ADIPOR2: variants seen among roughly 807,000 people sequenced by gnomAD.
ADIPOR2 encodes adiponectin receptor protein 2.
In ADIPOR2, 18 loss-of-function variants were observed where a neutral mutation model predicts 40.9. The observed-to-expected ratio is 0.44, with a 90% CI of 0.30 to 0.65. The LOEUF (loss-of-function observed/expected upper bound fraction) is 0.65. ADIPOR2 is among the 30% of genes least tolerant of loss of function. The pLI is 0.09. For synonymous variants in ADIPOR2, 165 were observed against 166.4 expected (o/e 0.99, Z 0.06); for missense variants, 283 against 479.2 (o/e 0.59, Z 3.82).
At chr12:1,703,654 C>T (rs1031854350) in intron 1 of ADIPOR2, among the ~76,000 whole-genome samples, 1 of 151,906 alleles carries the variant, frequency 6.6e-6, no homozygotes, top group Non-Finnish European at 1.5e-5. Context: ...GAGGTCAAGG[C>T]TGCAGTGAGC....
At chr12:1,754,806 C>T (rs1324197602) in intron 2 of ADIPOR2, among the ~76,000 whole-genome samples, 7 of 151,706 alleles carry the variant, frequency 4.6e-5, no homozygotes, top group African/African-American at 1.5e-4. Flanking sequence ...GATCTCGGCT[C>T]GCTGCAACCT....
intron 1 of ADIPOR2, among the ~76,000 whole-genome samples, chr12:1,705,268 A>G (rs1353800796): frequency 6.6e-6 from 1 of 152,218 alleles, no homozygotes; most frequent in East Asian, 1.9e-4. Flanking sequence ...GTCTTTACAT[A>G]TTTGATATAT....
At chr12:1,699,119 T>C (rs1462471328) in intron 1 of ADIPOR2, among the ~76,000 whole-genome samples, 1 of 152,144 alleles carries the variant, frequency 6.6e-6, no homozygotes, top group Non-Finnish European at 1.5e-5. Context: ...GCCTGCCTAA[T>C]AGACTATATA....
chr12:1,777,395 T>C (rs1185908282), intron 3 of ADIPOR2, among the ~76,000 whole-genome samples: 3 of 147,014 alleles, frequency 2.0e-5, no homozygotes, highest in Non-Finnish European at 3.0e-5. Flanking sequence ...TTTTTTTTTT[T>C]TTTTTTTTGA....
chr12:1,753,358 C>G (rs1436597927), intron 1 of ADIPOR2, among the ~76,000 whole-genome samples: 2 of 152,178 alleles, frequency 1.3e-5, no homozygotes, highest in Non-Finnish European at 2.9e-5. Context: ...GCTTGAACTC[C>G]TAGGACTTAC....
intron 2 of ADIPOR2, among the ~76,000 whole-genome samples, chr12:1,770,678 A>C (rs1862477772): frequency 6.6e-6 from 1 of 152,236 alleles, no homozygotes; most frequent in African/African-American, 2.4e-5. Context: ...GAAGACAGAC[A>C]CTTAAAAATC....
intron 2 of ADIPOR2, among the ~76,000 whole-genome samples, chr12:1,756,986 C>G (rs914160646): frequency 1.2e-4 from 18 of 151,952 alleles, no homozygotes; most frequent in East Asian, 7.7e-4. Flanking sequence ...ATTCAAGATT[C>G]TTGTTAGATA....
At chr12:1,770,311 A>AGTATACATTAGCCATATTGTGTTTT (rs2154444102) in intron 2 of ADIPOR2, among the ~76,000 whole-genome samples, 1 of 152,346 alleles carries the variant, frequency 6.6e-6, no homozygotes, top group African/African-American at 2.4e-5. Context: ...ACTTAATGGT[A>AGTATACATTAGCCATATTGTGTTTT]GTATACATTA....
At chr12:1,721,473 G>C (rs1292433104) in intron 1 of ADIPOR2, among the ~76,000 whole-genome samples, 1 of 152,076 alleles carries the variant, frequency 6.6e-6, no homozygotes, top group African/African-American at 2.4e-5. Flanking sequence ...GCCTTGGCCT[G>C]CCACAGTGCT....
intron 1 of ADIPOR2, among the ~76,000 whole-genome samples, chr12:1,703,902 C>G (rs1472144585): frequency 6.6e-6 from 1 of 151,604 alleles, no homozygotes; most frequent in Non-Finnish European, 1.5e-5. Context: ...TTTGTGAGGA[C>G]AGGATCTCAC....
At chr12:1,751,735 G>A (rs1592611226) in intron 1 of ADIPOR2, among the ~76,000 whole-genome samples, 2 of 151,532 alleles carry the variant, frequency 1.3e-5, no homozygotes, top group Non-Finnish European at 1.5e-5. Context: ...GCCCAAGCTG[G>A]TTTCGAACTG....
intron 3 of ADIPOR2, among the ~76,000 whole-genome samples, chr12:1,775,224 G>A (rs1453445391): frequency 1.3e-5 from 2 of 152,224 alleles, no homozygotes; most frequent in East Asian, 3.8e-4. Flanking sequence ...AAGGTAGGCA[G>A]TGTCTTTGTC....
In ADIPOR2 at chr12:1,788,566, GA is replaced by G. The variant is rs2154444722; in HGVS notation, c.*2495del. 1 of 152,728 alleles carries G rather than the reference GA, an allele frequency of 6.5e-6. No individual in the cohort carries two copies. The highest frequency in any genetic ancestry group is 1.5e-5 in the Non-Finnish European group (1 of 68,032). The allele number at this position is 152,728 out of a possible 1,614,324, so 9.5% of individuals were successfully genotyped here. On this transcript the variant is annotated 3_prime_UTR_variant, in exon 8 of 8. Transcript: ENST00000357103. ...TAAAGCCACAAAGCACATTTTTGGG[GA>G]TCATAGAAGGTTGGGGTTCCAGAAA...
intron 1 of ADIPOR2, among the ~76,000 whole-genome samples, chr12:1,731,575 C>T (rs2094720473): frequency 6.6e-6 from 1 of 152,186 alleles, no homozygotes; most frequent in Non-Finnish European, 1.5e-5. Context: ...TTTGCCTGTT[C>T]TAAGTATCAT....
chr12:1,780,983 T>C lies in ADIPOR2; in HGVS notation c.745T>C (p.Tyr249His), dbSNP rs1291824542. Residue 249 changes from tyrosine to histidine, a missense_variant, in exon 6 of 8, where the codon TAC (tyrosine) becomes CAC (histidine). This residue lies in a region of ADIPOR2 where 112 missense variants were observed against 249.5 expected (regional missense o/e 0.45). Transcript: ENST00000357103. ...CTGTAATCCACAACCTTGCTTCATCTACTTGATTGTCATCTGTGTGCTGGG... is the reference window on the plus strand; with the variant it reads ...CTGTAATCCACAACCTTGCTTCATCCACTTGATTGTCATCTGTGTGCTGGG... Reference protein sequence around the residue: ...FYCNPQPCFIYLIVICVLGIA... With the variant: ...FYCNPQPCFIHLIVICVLGIA... 1 of 1,613,900 alleles carries C rather than the reference T, an allele frequency of 6.2e-7. No homozygotes were observed. The highest frequency in any genetic ancestry group is 1.3e-5 in the African/African-American group (1 of 74,930).
intron 2 of ADIPOR2, among the ~76,000 whole-genome samples, 187 bp downstream of exon 2, chr12:1,754,701 AC>A (rs1862080262): frequency 5.4e-5 from 3 of 55,788 alleles, no homozygotes; most frequent in Admixed American, 5.6e-4. Flanking sequence ...TATTATTATT[AC>A]TACTACTACT....
intron 3 of ADIPOR2, among the ~76,000 whole-genome samples, chr12:1,773,448 T>C (rs371903969): frequency 2.0e-5 from 3 of 152,276 alleles, no homozygotes; most frequent in South Asian, 4.1e-4. Context: ...TCAGCTGGTA[T>C]ACATTCTGTC....
chr12:1,738,783 A>G (rs549530342), intron 1 of ADIPOR2, among the ~76,000 whole-genome samples: 1 of 152,310 alleles, frequency 6.6e-6, no homozygotes, highest in African/African-American at 2.4e-5. Context: ...TGAAGAAACC[A>G]TTTTGGATAT....
chr12:1,764,581 A>ACC (rs1456452246), intron 2 of ADIPOR2, among the ~76,000 whole-genome samples: 1 of 114,436 alleles, frequency 8.7e-6, no homozygotes, highest in Non-Finnish European at 1.9e-5. Context: ...ACACACACAC[A>ACC]CACACACACG....
Sources: allele counts gnomAD v4.1 joint callset (sites outside exome capture counted in the v4.1 genomes callset), GRCh38; gene constraint gnomAD v4.1.1; regional missense constraint gnomAD v4.1.1; transcripts MANE v1.5; gene names NCBI Gene and HGNC (gene_info 2026-07-23, HGNC 2026-07-21).